Variants in EBAG9 observed in about 807,000 individuals in gnomAD.
The protein encoded by EBAG9 is receptor-binding cancer antigen expressed on SiSo cells.
A neutral mutation model predicts 30.9 loss-of-function variants in EBAG9; 16 were observed. That is an observed-to-expected ratio of 0.52 (90% CI 0.35 to 0.79). EBAG9 has a LOEUF of 0.79. EBAG9 is among the 30% of genes least tolerant of loss of function. EBAG9 has a pLI of 0.01. For missense variants in EBAG9, 197 were observed against 242.1 expected (o/e 0.81, Z 1.24); for synonymous variants, 93 against 82.8 (o/e 1.12, Z -0.67).
chr8:109,558,427 A>T (rs528493734), intron 5 of EBAG9, among the ~76,000 whole-genome samples: 1 of 152,146 alleles, frequency 6.6e-6, no homozygotes, highest in South Asian at 2.1e-4. Flanking sequence ...ATAACATAGC[A>T]TTATAATGTT....
Position 109,564,780 on chromosome 8 carries a change from G to T in EBAG9, c.*221G>T. On this transcript the variant is annotated 3_prime_UTR_variant, in exon 7 of 7. Transcript: ENST00000337573. ...CTTGAGACAATGTTTTCTTCAACAT[G>T]CTCCAAATATAAGACATTTGTTTGC... 2 of 429,152 alleles carry T rather than the reference G, an allele frequency of 4.7e-6. No individual in the cohort carries two copies. Among genetic ancestry groups the T allele is most frequent in the East Asian group, 4.2e-5 (1 of 23,938 alleles). The allele number at this position is 429,152 out of a possible 1,614,324, so 26.6% of individuals were successfully genotyped here. A position where few individuals can be genotyped will look rare whatever the true frequency, so the allele number is the denominator to read the frequency against.
intron 6 of EBAG9, among the ~76,000 whole-genome samples, chr8:109,564,031 A>T (rs1242275807): frequency 1.3e-5 from 2 of 152,076 alleles, no homozygotes; most frequent in Admixed American, 6.6e-5. Context: ...GGAGATTATC[A>T]AGCTCAATAT....
intron 6 of EBAG9, chr8:109,563,406 C>A: frequency 6.3e-7 from 1 of 1,596,880 alleles, no homozygotes; most frequent in Non-Finnish European, 8.5e-7. Context: ...GATCCAGGAC[C>A]AATGTATGTT....
intron 5 of EBAG9, chr8:109,557,646 A>T (rs535158731): frequency 6.6e-6 from 3 of 455,426 alleles, no homozygotes; most frequent in South Asian, 4.7e-5. Context: ...AATTACAAAT[A>T]TTAATGTAAC....
intron 2 of EBAG9, 149 bp downstream of exon 2, chr8:109,551,056 A>C: frequency 1.7e-6 from 1 of 579,170 alleles, no homozygotes; most frequent in Admixed American, 3.4e-5. Flanking sequence ...AGTCATTTTT[A>C]GATACTTTTT....
chr8:109,560,969 A>T, intron 6 of EBAG9, 40 bp downstream of exon 6: 2 of 1,546,224 alleles, frequency 1.3e-6, no homozygotes, highest in Non-Finnish European at 1.8e-6. Flanking sequence ...GAGTAGAAGA[A>T]CTAGATTTCT....
At chr8:109,560,302 T>C (rs1821685030) in intron 5 of EBAG9, among the ~76,000 whole-genome samples, 1 of 152,160 alleles carries the variant, frequency 6.6e-6, no homozygotes, top group African/African-American at 2.4e-5. Flanking sequence ...TTTTGCATGA[T>C]TTGTCATTTT....
At chr8:109,561,334 A>G (rs1821707006) in intron 6 of EBAG9, among the ~76,000 whole-genome samples, 1 of 151,926 alleles carries the variant, frequency 6.6e-6, no homozygotes, top group African/African-American at 2.4e-5. Context: ...AGTGCCCAGT[A>G]CTGCTCATTT....
intron 5 of EBAG9, among the ~76,000 whole-genome samples, chr8:109,560,222 A>G (rs1821683895): frequency 6.6e-6 from 1 of 152,242 alleles, no homozygotes; most frequent in Admixed American, 6.5e-5. Context: ...GGTAGGGACC[A>G]GTAGATGATA....
In EBAG9 at chr8:109,553,959, G is replaced by C; in HGVS notation, c.162+16G>C. ...TCCTAAGCAGGTAGGTTTTTTTTGT[G>C]TGTTCTTTTGTTTTGTTTTGTTTTG... On this transcript the variant is annotated intron_variant, in intron 3 of 6. Coordinates refer to ENST00000337573, the MANE Select transcript of EBAG9 (RefSeq NM_004215.5). The C allele has an allele frequency of 6.4e-7, 1 of 1,568,340 alleles. No individual in the cohort carries two copies. The highest frequency in any genetic ancestry group is 8.6e-7 in the Non-Finnish European group (1 of 1,157,634).
At chr8:109,558,466 T>C (rs1563657143) in intron 5 of EBAG9, among the ~76,000 whole-genome samples, 1 of 152,172 alleles carries the variant, frequency 6.6e-6, no homozygotes, top group Non-Finnish European at 1.5e-5. Flanking sequence ...AAAATTAAAT[T>C]TTATTCATAA....
intron 5 of EBAG9, chr8:109,557,929 A>T (rs918617545): frequency 3.8e-5 from 10 of 263,768 alleles, no homozygotes; most frequent in Admixed American, 1.4e-4. Context: ...AGTAAGTTAT[A>T]AGACGGTGAG....
intron 1 of EBAG9, among the ~76,000 whole-genome samples, chr8:109,549,203 T>G (rs1821446421): frequency 6.6e-6 from 1 of 151,972 alleles, no homozygotes; most frequent in African/African-American, 2.4e-5. Flanking sequence ...GTGAATGACA[T>G]TTGATTTTTA....
At chr8:109,546,922 T>C (rs1244565773) in intron 1 of EBAG9, among the ~76,000 whole-genome samples, 1 of 152,100 alleles carries the variant, frequency 6.6e-6, no homozygotes, top group Non-Finnish European at 1.5e-5. Flanking sequence ...TACTACAATT[T>C]GTTTGTCCAC....
chr8:109,542,665 G>A (rs909747587), intron 1 of EBAG9, among the ~76,000 whole-genome samples: 7 of 152,032 alleles, frequency 4.6e-5, no homozygotes, highest in Non-Finnish European at 1.0e-4. Context: ...TGACAAATCA[G>A]CTTTAAATGA....
chr8:109,561,977 CTTA>C (rs1237295895), intron 6 of EBAG9, among the ~76,000 whole-genome samples: 1 of 116,294 alleles, frequency 8.6e-6, no homozygotes. Context: ...AAATTTAGTT[CTTA>C]TTTAATCAGT....
chr8:109,546,807 T>C (rs933929626), intron 1 of EBAG9, among the ~76,000 whole-genome samples: 1 of 152,194 alleles, frequency 6.6e-6, no homozygotes, highest in Non-Finnish European at 1.5e-5. Context: ...GTGGTCTGAC[T>C]CTTTTCATTC....
At chr8:109,552,261 TAA>T (rs57058526) in intron 2 of EBAG9, among the ~76,000 whole-genome samples, 99,749 of 147,404 alleles carry the variant, frequency 0.68, 34,306 homozygotes, top group African/African-American at 0.84. Flanking sequence ...GTCTGGGATT[TAA>T]AAAAAAAAAA....
At chr8:109,552,925 A>T (rs1332094307) in intron 2 of EBAG9, among the ~76,000 whole-genome samples, 1 of 152,298 alleles carries the variant, frequency 6.6e-6, no homozygotes, top group East Asian at 1.9e-4. Context: ...GCAGGACCCC[A>T]TCTCTATGGA....
Sources: gnomAD v4.1 joint callset for allele counts (sites outside exome capture counted in the v4.1 genomes callset) on GRCh38, gnomAD v4.1.1 for gene constraint, MANE v1.5 for transcripts, NCBI Gene and HGNC (gene_info 2026-07-23, HGNC 2026-07-21) for gene names.